The following PRELID2 variants were observed in gnomAD, a reference collection of about 807,000 sequenced individuals.
PRELID2 encodes the protein PRELI domain-containing protein 2.
In PRELID2, 25 loss-of-function variants were observed where a neutral mutation model predicts 28.4. The observed-to-expected ratio is 0.88, with a 90% CI of 0.64 to 1.23. The LOEUF (loss-of-function observed/expected upper bound fraction) is 1.23. Among genes scored for constraint, PRELID2 ranks in the 50% most tolerant of loss-of-function variants. The pLI, the probability that PRELID2 is intolerant of heterozygous loss-of-function variation, is 0.00. For missense variants in PRELID2, 201 were observed against 214.4 expected (o/e 0.94, Z 0.39); for synonymous variants, 76 against 71.6 (o/e 1.06, Z -0.31).
the PRELID2 span, among the ~76,000 whole-genome samples, chr5:145,349,490 C>T: frequency 6.6e-6 from 1 of 151,798 alleles, no homozygotes; most frequent in Non-Finnish European, 1.5e-5. Context: ...TATTATATGA[C>T]TTCATTTTTT....
At chr5:145,329,475 C>T in the PRELID2 span, among the ~76,000 whole-genome samples, 6 of 152,176 alleles carry the variant, frequency 3.9e-5, no homozygotes, top group East Asian at 9.7e-4. Context: ...GTTTGTAGTT[C>T]TCCTTGAAGA....
the PRELID2 span, among the ~76,000 whole-genome samples, chr5:145,266,184 AG>A: frequency 6.6e-6 from 1 of 152,016 alleles, no homozygotes; most frequent in Non-Finnish European, 1.5e-5. Flanking sequence ...TTTTCTTTCC[AG>A]GGGATGTTGG....
chr5:145,708,251 G>A (rs868219659), intron 1 of PRELID2, among the ~76,000 whole-genome samples: 6 of 150,442 alleles, frequency 4.0e-5, no homozygotes, highest in African/African-American at 1.5e-4. Flanking sequence ...CACTAAAAAG[G>A]AAAAAATAAA....
the PRELID2 span, among the ~76,000 whole-genome samples, chr5:145,278,290 C>A: frequency 7.2e-4 from 110 of 152,264 alleles, no homozygotes; most frequent in African/African-American, 2.6e-3. Flanking sequence ...AAGCAACATG[C>A]ACTAATTATG....
downstream of PRELID2, among the ~76,000 whole-genome samples, chr5:145,467,517 A>G: frequency 6.6e-6 from 1 of 152,308 alleles, no homozygotes; most frequent in South Asian, 2.1e-4. Context: ...GGTCCATTTT[A>G]CATTTTATGT....
At chr5:145,729,265 C>T (rs1756265919) in intron 1 of PRELID2, 4 of 1,071,000 alleles carry the variant, frequency 3.7e-6, no homozygotes, top group East Asian at 4.9e-5. Context: ...GCTAACATAC[C>T]AAAATCAAGC....
At chr5:145,364,526 C>A in the PRELID2 span, among the ~76,000 whole-genome samples, 1 of 151,930 alleles carries the variant, frequency 6.6e-6, no homozygotes, top group Non-Finnish European at 1.5e-5. Flanking sequence ...CTCATAGATC[C>A]TCAGCTTTTA....
chr5:145,762,775 G>A (rs955126638), intron 6 of PRELID2, among the ~76,000 whole-genome samples: 4 of 152,122 alleles, frequency 2.6e-5, no homozygotes, highest in African/African-American at 9.7e-5. Flanking sequence ...TAAAATCAGG[G>A]AAAAGCCATA....
At chr5:145,352,721 C>G in the PRELID2 span, among the ~76,000 whole-genome samples, 1 of 152,278 alleles carries the variant, frequency 6.6e-6, no homozygotes, top group Admixed American at 6.5e-5. Flanking sequence ...ATTTTCCAAA[C>G]TTTTATGTTC....
the PRELID2 span, among the ~76,000 whole-genome samples, chr5:145,463,189 A>C: frequency 3.9e-5 from 6 of 152,202 alleles, no homozygotes; most frequent in South Asian, 6.2e-4. Context: ...ATTTAATTTT[A>C]CCGACATAAT....
intron 1 of PRELID2, among the ~76,000 whole-genome samples, chr5:145,639,319 T>A (rs114439856): frequency 0.013 from 1,935 of 152,292 alleles, 20 homozygotes; most frequent in Non-Finnish European, 0.018. Context: ...TAAAACTCAC[T>A]TCTAAGAAGA....
the PRELID2 span, among the ~76,000 whole-genome samples, chr5:145,382,094 C>G: frequency 6.6e-6 from 1 of 151,492 alleles, no homozygotes; most frequent in South Asian, 2.1e-4. Context: ...TATAGAAATT[C>G]TAACACTTAA....
intron 1 of PRELID2, among the ~76,000 whole-genome samples, chr5:145,597,823 C>A (rs1226946038): frequency 1.3e-5 from 2 of 152,236 alleles, no homozygotes; most frequent in Middle Eastern, 3.4e-3. Context: ...ACTATTCATC[C>A]AGTAATTACT....
chr5:145,438,833 G>A, the PRELID2 span, among the ~76,000 whole-genome samples: 1 of 152,078 alleles, frequency 6.6e-6, no homozygotes, highest in Non-Finnish European at 1.5e-5. Flanking sequence ...TGCACCTTCT[G>A]CCTCCTCTTT....
intron 1 of PRELID2, among the ~76,000 whole-genome samples, chr5:145,528,601 G>C (rs1752627923): frequency 6.6e-6 from 1 of 151,146 alleles, no homozygotes. Context: ...CTTACTTTTT[G>C]TAAGGCATAC....
At chr5:145,244,411 C>A in the PRELID2 span, among the ~76,000 whole-genome samples, 1 of 152,048 alleles carries the variant, frequency 6.6e-6, no homozygotes, top group Non-Finnish European at 1.5e-5. Context: ...GTGGCAGGTG[C>A]TCCTCGAACA....
chr5:145,405,447 T>C, the PRELID2 span, among the ~76,000 whole-genome samples: 2 of 152,104 alleles, frequency 1.3e-5, no homozygotes, highest in Admixed American at 6.6e-5. Context: ...TCTGCAGGCT[T>C]TATTAGTTCA....
intron 1 of PRELID2, among the ~76,000 whole-genome samples, chr5:145,482,276 G>C (rs2126618196): frequency 6.6e-6 from 1 of 152,248 alleles, no homozygotes; most frequent in African/African-American, 2.4e-5. Flanking sequence ...CTAACAGCAA[G>C]GGAGAATGAA....
intron 1 of PRELID2, among the ~76,000 whole-genome samples, chr5:145,633,855 C>G (rs928979313): frequency 1.3e-5 from 2 of 152,122 alleles, no homozygotes; most frequent in African/African-American, 4.8e-5. Flanking sequence ...GGTAATTTTG[C>G]GAAATACTTC....
Sources: allele counts gnomAD v4.1 joint callset (sites outside exome capture counted in the v4.1 genomes callset), GRCh38; gene constraint gnomAD v4.1.1; transcripts MANE v1.5; gene names NCBI Gene and HGNC (gene_info 2026-07-23, HGNC 2026-07-21).